FNIP2: variants seen among roughly 807,000 people sequenced by gnomAD.
FNIP2 encodes the protein folliculin interacting protein 2, also known as folliculin-interacting protein 2.
Under a neutral mutation model 108.7 loss-of-function variants are expected in FNIP2, and 32 were observed. That is an observed-to-expected ratio of 0.29 (90% CI 0.22 to 0.40). FNIP2 has a LOEUF of 0.40. Ranked by LOEUF, FNIP2 falls within the 10% of genes least tolerant of loss-of-function variation. FNIP2 has a pLI of 1.00. For missense variants in FNIP2, 1,202 were observed against 1,381.6 expected (o/e 0.87, Z 2.06); for synonymous variants, 480 against 496.7 (o/e 0.97, Z 0.45).
At chr4:158,893,740 T>C in intron 15 of FNIP2, 1 of 1,518,392 alleles carries the variant, frequency 6.6e-7, no homozygotes, top group Admixed American at 1.9e-5. Flanking sequence ...TAATGTATAT[T>C]AGACTTCATA....
intron 1 of FNIP2, among the ~76,000 whole-genome samples, chr4:158,786,233 T>G (rs546670493): frequency 1.3e-5 from 2 of 152,360 alleles, no homozygotes; most frequent in East Asian, 3.9e-4. Context: ...ACCACTCTGT[T>G]TATATTTCTC....
chr4:158,795,785 A>C (rs1341482122), intron 1 of FNIP2: 2 of 152,280 alleles, frequency 1.3e-5, no homozygotes, highest in African/African-American at 4.8e-5. Context: ...AGATTCTCAC[A>C]GGAGCACGAA....
At chr4:158,895,072 A>G (rs1237534278) in intron 15 of FNIP2, among the ~76,000 whole-genome samples, 2 of 152,192 alleles carry the variant, frequency 1.3e-5, no homozygotes, top group Non-Finnish European at 2.9e-5. Flanking sequence ...CCTCTGGTGA[A>G]AGACACAGAT....
At chr4:158,883,890 C>T (rs1018501430) in intron 14 of FNIP2, among the ~76,000 whole-genome samples, 4 of 150,762 alleles carry the variant, frequency 2.7e-5, no homozygotes, top group African/African-American at 9.8e-5. Context: ...GGCTAAAAGT[C>T]GGAAACACTT....
At chr4:158,801,643 A>G (rs981916481) in intron 1 of FNIP2, among the ~76,000 whole-genome samples, 2 of 152,196 alleles carry the variant, frequency 1.3e-5, no homozygotes, top group South Asian at 2.1e-4. Context: ...CCTACTTCCT[A>G]TGGTTAAATG....
At chr4:158,853,410 G>A (rs1171490979) in intron 8 of FNIP2, among the ~76,000 whole-genome samples, 1 of 152,122 alleles carries the variant, frequency 6.6e-6, no homozygotes, top group Non-Finnish European at 1.5e-5. Flanking sequence ...AAGTTCTAAG[G>A]TACATGTGCA....
intron 7 of FNIP2, among the ~76,000 whole-genome samples, chr4:158,843,408 A>G (rs914160672): frequency 1.3e-5 from 2 of 152,226 alleles, no homozygotes; most frequent in East Asian, 3.8e-4. Flanking sequence ...TTCTTCATCC[A>G]GCAGCGTTTC....
chr4:158,805,421 C>T (rs1378216146), intron 1 of FNIP2, among the ~76,000 whole-genome samples: 3 of 152,162 alleles, frequency 2.0e-5, no homozygotes, highest in Non-Finnish European at 4.4e-5. Flanking sequence ...ATATTAGTGT[C>T]AGAAGTCAAA....
chr4:158,819,229 C>T (rs1299261362), intron 1 of FNIP2, among the ~76,000 whole-genome samples: 1 of 152,130 alleles, frequency 6.6e-6, no homozygotes, highest in Non-Finnish European at 1.5e-5. Flanking sequence ...CATGCTTTTG[C>T]TGCTGATCAA....
chr4:158,869,702 G>T (rs547584661), intron 13 of FNIP2, among the ~76,000 whole-genome samples: 1 of 152,324 alleles, frequency 6.6e-6, no homozygotes, highest in South Asian at 2.1e-4. Context: ...GAAGCCTAAG[G>T]GATGTGGTGG....
intron 14 of FNIP2, among the ~76,000 whole-genome samples, chr4:158,883,172 CAT>C (rs752910774): frequency 6.6e-6 from 1 of 151,816 alleles, no homozygotes; most frequent in Non-Finnish European, 1.5e-5. Flanking sequence ...CAGAGAAAAA[CAT>C]AGAGAGAAGT....
At position 158,868,244 on chromosome 4, in the gene FNIP2, C is replaced by G. The variant is rs979445330; in HGVS notation, c.1608C>G (p.Thr536=). The stretch of plus-strand genomic sequence containing the variant: ...CTGAGCTACAAGAGAACCAGCTGAC[C>G]TGGAGTGGCAATCATGGTGAAGGTG... ...RCSELQENQL[T]WSGNHGEGDQ... The change falls in exon 13 of 17, where the codon ACC becomes ACG. Residue 536 remains threonine, a synonymous_variant. Coordinates refer to ENST00000264433, the MANE Select transcript of FNIP2 (RefSeq NM_020840.3). The surrounding 1 kb of genome is among the most constrained non-coding windows in gnomAD (Gnocchi z 4.6). 1.2e-6 allele frequency: 2 copies of G among 1,614,046 alleles called. No individual in the cohort carries two copies. The highest frequency in any genetic ancestry group is 2.2e-5 in the South Asian group (2 of 91,086).
Position 158,867,075 on chromosome 4 carries a change from A to G in FNIP2, c.1466-1027A>G, listed in dbSNP as rs560808065. Among the ~76,000 whole-genome samples, 26 of 152,326 alleles carry G rather than the reference A, an allele frequency of 1.7e-4. No homozygotes were observed. In the South Asian group the frequency reaches 2.5e-3, roughly 15 times the overall value. ...TTATTGCTGGGTGGTTGGATGACAC[A>G]TTTGCCCTTATTGTCTCCTCCTTAA... is the stretch of plus-strand genomic sequence containing the variant. On this transcript the variant is annotated intron_variant, in intron 12 of 16. Coordinates refer to ENST00000264433, the MANE Select transcript of FNIP2 (RefSeq NM_020840.3).
chr4:158,858,191 G>A (rs1780095220), intron 8 of FNIP2, among the ~76,000 whole-genome samples: 1 of 152,220 alleles, frequency 6.6e-6, no homozygotes, highest in Non-Finnish European at 1.5e-5. Flanking sequence ...ATTTGGCAGA[G>A]ATAGGAGACT....
intron 1 of FNIP2, chr4:158,806,416 G>A (rs1225689092): frequency 7.0e-6 from 9 of 1,288,880 alleles, no homozygotes; most frequent in African/African-American, 1.5e-5. Flanking sequence ...CACGGAACTC[G>A]ACAACAGGTT....
At chr4:158,819,660 A>G (rs928056380) in intron 1 of FNIP2, among the ~76,000 whole-genome samples, 5 of 152,206 alleles carry the variant, frequency 3.3e-5, no homozygotes, top group African/African-American at 9.6e-5. Flanking sequence ...ACTGCCATCT[A>G]TTTACGTAAG....
At position 158,895,823 on chromosome 4, in the gene FNIP2, G is replaced by T; in HGVS notation, c.3224G>T (p.Gly1075Val). 1.9e-6 allele frequency: 3 copies of T among 1,613,300 alleles called. No individual in the cohort carries two copies. Among genetic ancestry groups the T allele is most frequent in the Non-Finnish European group, 2.5e-6 (3 of 1,179,556 alleles). The change falls in exon 16 of 17, where the codon GGA becomes GTA. Residue 1075 changes from glycine (G) to valine (V), a missense_variant. Physicochemically the swap from Gly to Val is moderately radical, Grantham distance 109. Transcript: ENST00000264433. Reference sequence around the variant, plus strand: ...AAAATGCTATCTGAATATCTCCGGGGACACACACGAGTCCATGTGAAAGAA... The same window carrying T: ...AAAATGCTATCTGAATATCTCCGGGTACACACACGAGTCCATGTGAAAGAA... ...KSKMLSEYLR[G>V]HTRVHVKELG...
chr4:158,816,150 T>C (rs1578856723), intron 1 of FNIP2, among the ~76,000 whole-genome samples: 1 of 152,190 alleles, frequency 6.6e-6, no homozygotes. Flanking sequence ...CAATTGTCTA[T>C]TTATTTTGGT....
At chr4:158,795,189 C>T (rs76060545) in intron 1 of FNIP2, among the ~76,000 whole-genome samples, 510 of 152,236 alleles carry the variant, frequency 3.4e-3, no homozygotes, top group Middle Eastern at 0.02. Context: ...CACATTGAGC[C>T]GTGGTATAAT....
Sources: gnomAD v4.1 joint callset for allele counts (sites outside exome capture counted in the v4.1 genomes callset) on GRCh38, gnomAD v4.1.1 for gene constraint, Gnocchi (gnomAD v3.1) non-coding constraint, MANE v1.5 for transcripts, NCBI Gene and HGNC (gene_info 2026-07-23, HGNC 2026-07-21) for gene names.